Variants in FREM1 observed in about 807,000 individuals in gnomAD.
The protein encoded by FREM1 is FRAS1-related extracellular matrix protein 1.
FREM1 carries 220 observed loss-of-function variants against 210.1 expected under a neutral mutation model. The observed-to-expected ratio is 1.05, with a 90% CI of 0.94 to 1.17. FREM1 has a LOEUF of 1.17. Among genes scored for constraint, FREM1 ranks in the 50% most tolerant of loss-of-function variants. The probability of loss-of-function intolerance (pLI) is 0.00; values close to 1 mark genes in which losing one functional copy is unlikely to be tolerated. For synonymous variants in FREM1, 1,189 were observed against 980.2 expected (o/e 1.21, Z -3.98); for missense variants, 3,454 against 2,675.5 (o/e 1.29, Z -6.42).
chr9:14,797,226 T>C (rs1852591245), intron 21 of FREM1, among the ~76,000 whole-genome samples: 1 of 152,258 alleles, frequency 6.6e-6, no homozygotes, highest in African/African-American at 2.4e-5. Context: ...AGATTGTTCA[T>C]TCCATACTGT....
chr9:14,812,620 C>T (rs1263409090), intron 16 of FREM1, among the ~76,000 whole-genome samples, 192 bp downstream of exon 16: 2 of 152,118 alleles, frequency 1.3e-5, no homozygotes, highest in African/African-American at 2.4e-5. Context: ...GTTTGAAATT[C>T]GTTATAATAA....
intron 16 of FREM1, among the ~76,000 whole-genome samples, chr9:14,809,520 G>A (rs117268009): frequency 0.011 from 1,632 of 152,302 alleles, 14 homozygotes; most frequent in Non-Finnish European, 0.018. Context: ...GTGTTCAAAG[G>A]ATGAGAAAAC....
In FREM1 at chr9:14,784,639, A is replaced by C. The variant is rs1333986486; in HGVS notation, c.4178-5T>G. ...TTGTAAGGATGACAATATCACCTAC[A>C]TGACATAAGAGGTTATGGTCAATAA... is the stretch of plus-strand genomic sequence containing the variant. On this transcript the variant is annotated splice_polypyrimidine_tract_variant and splice_region_variant and intron_variant, in intron 23 of 36. Coordinates refer to ENST00000380880, the MANE Select transcript of FREM1 (RefSeq NM_001379081.2). 6.5e-7 allele frequency: 1 copy of C among 1,550,262 alleles called. No individual in the cohort carries two copies. The highest frequency in any genetic ancestry group is 2.3e-5 in the East Asian group (1 of 43,456).
chr9:14,817,064 A>C (rs896291446), intron 14 of FREM1, among the ~76,000 whole-genome samples, 193 bp from the exon 15 acceptor site: 1 of 152,210 alleles, frequency 6.6e-6, no homozygotes, highest in African/African-American at 2.4e-5. Flanking sequence ...TGAATGTAAA[A>C]TTGCTCCACC....
intron 24 of FREM1, among the ~76,000 whole-genome samples, chr9:14,778,933 G>C (rs1482536795): frequency 2.0e-5 from 3 of 152,066 alleles, no homozygotes; most frequent in Non-Finnish European, 4.4e-5. Context: ...AAATATGTCT[G>C]TTCTTCAAAC....
rs369775410 is a variant in FREM1, at chr9:14,747,861, G to A, written c.5797-133C>T. 27 of 514,464 alleles carry A rather than the reference G, an allele frequency of 5.2e-5. 1 individual carries two copies. The highest frequency in any genetic ancestry group is 3.1e-4 in the Middle Eastern group (1 of 3,210). 31.9% of individuals were successfully genotyped at this position (514,464 alleles called of 1,614,324 possible). A position where few individuals can be genotyped will look rare whatever the true frequency, so the allele number is the denominator to read the frequency against. ...CATATGTAATCTTAAGATTTCCCAC[G>A]CCCAAATCATTGGAATTTCAAAAAT... On this transcript the variant is annotated intron_variant, in intron 31 of 36. Transcript: ENST00000380880.
rs185029150 is a variant in FREM1, at chr9:14,875,303, C to G, written c.-267-6059G>C. ...CATTCTCCCCATCACTCATCACTTT[C>G]AGGTACACCAATCAGACGTAGATTT... On this transcript the variant is annotated intron_variant, in intron 1 of 36. Coordinates refer to ENST00000380880, the MANE Select transcript of FREM1 (RefSeq NM_001379081.2). Among the ~76,000 whole-genome samples the G allele has an allele frequency of 7.2e-4, 110 of 152,324 alleles. 2 individuals carry two copies. In the East Asian group the frequency reaches 0.02, roughly 28 times the overall value.
At chr9:14,826,127 C>T (rs554605951) in intron 10 of FREM1, among the ~76,000 whole-genome samples, 1 of 144,332 alleles carries the variant, frequency 6.9e-6, no homozygotes, top group Non-Finnish European at 1.5e-5. Context: ...GAGTCTCACA[C>T]TGTCACACAG....
rs567441582 is a variant in FREM1, at chr9:14,775,850, G to T, written c.4796C>A (p.Thr1599Lys). The T allele has an allele frequency of 1.6e-5, 26 of 1,613,280 alleles. No individual in the cohort carries two copies. The highest frequency in any genetic ancestry group is 5.0e-5 in the Admixed American group (3 of 59,958). ...DCFTFMATDG[T>K]NQGFIVNGRV... ...CCCATTCACAATAAAGCCTTGGTTT[G>T]TCCCATCTGTGGCCATGAAAGTAAA... is the stretch of plus-strand genomic sequence containing the variant. Residue 1599 changes from threonine to lysine, a missense_variant, in exon 25 of 37, where the codon ACA becomes AAA. Physicochemically the swap from Thr to Lys is moderately conservative, Grantham distance 78. Transcript: ENST00000380880.
chr9:14,803,951 C>G (rs1294862519), intron 19 of FREM1, among the ~76,000 whole-genome samples: 1 of 152,142 alleles, frequency 6.6e-6, no homozygotes, highest in African/African-American at 2.4e-5. Flanking sequence ...TATCCTTCTT[C>G]ATAGAGCTTG....
At chr9:14,875,673 C>T (rs939971993) in intron 1 of FREM1, among the ~76,000 whole-genome samples, 30 of 152,338 alleles carry the variant, frequency 2.0e-4, no homozygotes, top group African/African-American at 7.0e-4. Context: ...CTTCTCTCAA[C>T]TCGTCAAAGT....
At chr9:14,894,657 G>T (rs1022136156) in intron 1 of FREM1, among the ~76,000 whole-genome samples, 2 of 152,024 alleles carry the variant, frequency 1.3e-5, no homozygotes, top group Non-Finnish European at 2.9e-5. Context: ...TGTTTTTTTA[G>T]AACCAAGAAA....
In FREM1 at chr9:14,860,550, T is replaced by G. The variant is rs1829636608; in HGVS notation, c.330-1066A>C. ...GTAGGTATGTATATATATACACATA[T>G]ATATACACACATATATATACACATA... On this transcript the variant is annotated intron_variant, in intron 3 of 36. Transcript: ENST00000380880. Among the ~76,000 whole-genome samples, 4 of 125,134 alleles carry G rather than the reference T, an allele frequency of 3.2e-5. 1 individual carries two copies. In the South Asian group the frequency reaches 1.0e-3, roughly 32 times the overall value. 82.1% of individuals were successfully genotyped at this position (125,134 alleles called of 152,430 possible). A position where few individuals can be genotyped will look rare whatever the true frequency, so the allele number is the denominator to read the frequency against.
chr9:14,828,367 GA>G (rs1251762246), intron 10 of FREM1, among the ~76,000 whole-genome samples: 1 of 152,118 alleles, frequency 6.6e-6, no homozygotes, highest in Non-Finnish European at 1.5e-5. Context: ...CTCCCTCTTG[GA>G]AGAGGAATGT....
Position 14,851,303 on chromosome 9 carries a change from G to T in FREM1, c.1133C>A (p.Ser378Tyr). The stretch of plus-strand genomic sequence containing the variant: ...TCTTACCTCATCATGTCTCCTCTCA[G>T]AATGGCTGCTGTTTGGTGGCTGATA... Reference protein sequence around the residue: ...IAYQPPNSSHSERRHDEVELE... With the variant: ...IAYQPPNSSHYERRHDEVELE... The change falls in exon 6 of 37, where the codon TCT becomes TAT. Residue 378 changes from serine (S) to tyrosine (Y), a missense_variant. Physicochemically the swap from Ser to Tyr is moderately radical, Grantham distance 144. Coordinates refer to ENST00000380880, the MANE Select transcript of FREM1 (RefSeq NM_001379081.2). The T allele has an allele frequency of 6.3e-7, 1 of 1,595,898 alleles. No individual in the cohort carries two copies. Among genetic ancestry groups the T allele is most frequent in the Non-Finnish European group, 8.5e-7 (1 of 1,170,034 alleles).
chr9:14,825,603 TACAGAATGGGCACATAAAAC>T (rs1822302049), intron 10 of FREM1, among the ~76,000 whole-genome samples: 1 of 144,622 alleles, frequency 6.9e-6, no homozygotes, highest in Non-Finnish European at 1.5e-5. Context: ...TCATGAGTGC[TACAGAATGGGCACATAAAAC>T]ACAAAATATG....
intron 28 of FREM1, among the ~76,000 whole-genome samples, chr9:14,756,746 C>T (rs1241919880): frequency 6.6e-6 from 1 of 152,068 alleles, no homozygotes; most frequent in Non-Finnish European, 1.5e-5. Context: ...ATATTTTTGT[C>T]TTTGTTGCAA....
At chr9:14,826,229 C>T (rs965922405) in intron 10 of FREM1, among the ~76,000 whole-genome samples, 2 of 151,562 alleles carry the variant, frequency 1.3e-5, no homozygotes, top group Non-Finnish European at 2.9e-5. Flanking sequence ...GTAGCTGGGG[C>T]TACGGGCTTC....
intron 10 of FREM1, among the ~76,000 whole-genome samples, chr9:14,827,882 C>G (rs1044259202): frequency 1.1e-4 from 16 of 152,236 alleles, no homozygotes; most frequent in Non-Finnish European, 1.8e-4. Flanking sequence ...CCAGGAACCA[C>G]TTGAGCCACC....
Sources: allele counts gnomAD v4.1 joint callset (sites outside exome capture counted in the v4.1 genomes callset), GRCh38; gene constraint gnomAD v4.1.1; transcripts MANE v1.5; gene names NCBI Gene and HGNC (gene_info 2026-07-23, HGNC 2026-07-21).